The following TRIM67 variants were observed in gnomAD, a reference collection of about 807,000 sequenced individuals.
The protein encoded by TRIM67 is tripartite motif containing 67, also known as tripartite motif-containing protein 67.
Under a neutral mutation model 71.0 loss-of-function variants are expected in TRIM67, and 39 were observed. The observed-to-expected ratio is 0.55, with a 90% confidence interval of 0.43 to 0.72. TRIM67 has a LOEUF of 0.72. TRIM67 is among the 30% of genes least tolerant of loss of function. TRIM67 has a pLI of 0.00. For missense variants in TRIM67, 973 were observed against 1,079.2 expected, an observed-to-expected ratio of 0.90 and a Z score of 1.38; for synonymous variants, 481 against 473.9, an observed-to-expected ratio of 1.01 and a Z score of -0.19.
chr1:231,206,270 A>T (rs1683692627), intron 6 of TRIM67, among the ~76,000 whole-genome samples: 2 of 147,480 alleles, frequency 1.4e-5, no homozygotes, highest in African/African-American at 5.0e-5. Context: ...TCTCTACTAA[A>T]ATATATATAT....
intron 1 of TRIM67, chr1:231,186,283 G>T: frequency 1.1e-6 from 1 of 928,216 alleles, no homozygotes; most frequent in Non-Finnish European, 1.7e-6. Context: ...CACATCTCTA[G>T]TTGGAACAGG....
chr1:231,193,503 GCTCTCTCTCTCTCTCTCTCTCTCTCTCT>G (rs3049035), intron 1 of TRIM67, among the ~76,000 whole-genome samples: 3 of 81,946 alleles, frequency 3.7e-5, no homozygotes, highest in African/African-American at 1.4e-4. Flanking sequence ...TCTCTCTCAA[GCTCTCTCTCTCTCTCTCTCTCTCTCTCT>G]CTCTCTCTCT....
intron 8 of TRIM67, among the ~76,000 whole-genome samples, chr1:231,211,516 C>A (rs1259222621): frequency 1.3e-5 from 2 of 152,020 alleles, no homozygotes; most frequent in Non-Finnish European, 2.9e-5. Context: ...TGGTCGGTGT[C>A]CAAATAGCAT....
chr1:231,185,509 C>T (rs1190204804), intron 1 of TRIM67, among the ~76,000 whole-genome samples: 2 of 151,742 alleles, frequency 1.3e-5, no homozygotes, highest in Non-Finnish European at 2.9e-5. Flanking sequence ...GAGGCCACAT[C>T]GAGAGTGAGA....
At position 231,219,087 on chromosome 1, in the gene TRIM67, G is replaced by A; in HGVS notation, c.*3647G>A. On this transcript the variant is annotated 3_prime_UTR_variant, in exon 10 of 10. Transcript: ENST00000366653. ...GCTGCTGGTCCCATGGCCACCTGCT[G>A]GCTTTGAGGTAGTGAGGGAGGGTCA... 1.0e-6 allele frequency: 1 copy of A among 985,556 alleles called. No homozygotes were observed. The highest frequency in any genetic ancestry group is 1.2e-6 in the Non-Finnish European group (1 of 830,050). The allele number at this position is 985,556 out of a possible 1,614,324, so 61.1% of individuals were successfully genotyped here.
rs555548358 is a variant in TRIM67, at chr1:231,216,310, A to G, written c.*870A>G. On this transcript the variant is annotated 3_prime_UTR_variant, in exon 10 of 10. Coordinates refer to ENST00000366653, the MANE Select transcript of TRIM67 (RefSeq NM_001004342.5). ...CTCTCTCTCTCACACACACACAGGC[A>G]TGACAGTCTCCTAAAATTAATTCAC... 2.9e-4 allele frequency: 282 copies of G among 985,210 alleles called. No homozygotes were observed. Among genetic ancestry groups the G allele is most frequent in the Middle Eastern group, 5.2e-4 (1 of 1,916 alleles). The allele number at this position is 985,210 out of a possible 1,614,324, so 61.0% of individuals were successfully genotyped here.
chr1:231,211,331 C>A (rs1362284530), intron 8 of TRIM67, among the ~76,000 whole-genome samples: 1 of 152,028 alleles, frequency 6.6e-6, no homozygotes, highest in African/African-American at 2.4e-5. Context: ...GTAGAGAGAA[C>A]CTGCCCCTGT....
intron 1 of TRIM67, among the ~76,000 whole-genome samples, chr1:231,175,603 G>A (rs2102720149): frequency 6.6e-6 from 1 of 152,346 alleles, no homozygotes; most frequent in South Asian, 2.1e-4. Context: ...GAGGAGCCTT[G>A]AGCTTAGCGA....
chr1:231,219,957 GC>G lies in TRIM67; in HGVS notation c.*4518del. 1 of 1,289,764 alleles carries G rather than the reference GC, an allele frequency of 7.8e-7. No individual in the cohort carries two copies. Among genetic ancestry groups the G allele is most frequent in the Non-Finnish European group, 1.0e-6 (1 of 988,852 alleles). 79.9% of individuals were successfully genotyped at this position (1,289,764 alleles called of 1,614,324 possible). ...TCGGTTACTTCCCTCTTTTAACCTG[GC>G]TTTAATAGTGATTCATGGTATGAGT... On this transcript the variant is annotated 3_prime_UTR_variant, in exon 10 of 10. Transcript: ENST00000366653.
intron 1 of TRIM67, among the ~76,000 whole-genome samples, chr1:231,180,751 A>G (rs1239591997): frequency 4.6e-5 from 7 of 152,240 alleles, no homozygotes; most frequent in Non-Finnish European, 8.8e-5. Flanking sequence ...AACTGGCCCC[A>G]GAGCACAGGG....
intron 1 of TRIM67, among the ~76,000 whole-genome samples, chr1:231,168,466 A>C (rs1264773382): frequency 1.3e-5 from 2 of 152,242 alleles, no homozygotes; most frequent in Non-Finnish European, 2.9e-5. Context: ...TTGCTATGTC[A>C]AAGATACCTG....
At chr1:231,171,659 C>T (rs1682622276) in intron 1 of TRIM67, among the ~76,000 whole-genome samples, 1 of 152,138 alleles carries the variant, frequency 6.6e-6, no homozygotes, top group African/African-American at 2.4e-5. Context: ...TGATGTGAAA[C>T]TGAGGGTTTC....
intron 6 of TRIM67, among the ~76,000 whole-genome samples, chr1:231,205,580 C>T (rs1683671931): frequency 6.6e-6 from 1 of 151,964 alleles, no homozygotes; most frequent in African/African-American, 2.4e-5. Context: ...ACAAAAATTA[C>T]CCGGGCATGG....
intron 6 of TRIM67, among the ~76,000 whole-genome samples, chr1:231,205,784 C>T (rs1683678320): frequency 6.6e-6 from 1 of 151,430 alleles, no homozygotes; most frequent in Non-Finnish European, 1.5e-5. Flanking sequence ...GCAGAAATGT[C>T]TCACCCTTTG....
intron 1 of TRIM67, among the ~76,000 whole-genome samples, chr1:231,186,998 G>A (rs1683098309): frequency 6.6e-6 from 1 of 152,114 alleles, no homozygotes; most frequent in Non-Finnish European, 1.5e-5. Context: ...CATCAGCAAG[G>A]CTAATGAGGA....
chr1:231,203,060 T>C (rs532255394), intron 5 of TRIM67, among the ~76,000 whole-genome samples: 37 of 152,264 alleles, frequency 2.4e-4, no homozygotes, highest in African/African-American at 8.7e-4. Context: ...TGGGAGTCAG[T>C]CTGTGCTCAG....
At chr1:231,179,223 G>T (rs569343297) in intron 1 of TRIM67, among the ~76,000 whole-genome samples, 7 of 152,340 alleles carry the variant, frequency 4.6e-5, no homozygotes, top group African/African-American at 1.7e-4. Context: ...GCTTGTGGTG[G>T]CTCCTTGGCT....
Position 231,216,456 on chromosome 1 carries a change from A to T in TRIM67, c.*1016A>T, listed in dbSNP as rs554778173. 2.0e-6 allele frequency: 2 copies of T among 985,392 alleles called. No homozygotes were observed. Among genetic ancestry groups the T allele is most frequent in the Non-Finnish European group, 2.4e-6 (2 of 829,958 alleles). The allele number at this position is 985,392 out of a possible 1,614,324, so 61.0% of individuals were successfully genotyped here. A position where few individuals can be genotyped will look rare whatever the true frequency, so the allele number is the denominator to read the frequency against. On this transcript the variant is annotated 3_prime_UTR_variant, in exon 10 of 10. Transcript: ENST00000366653. Reference sequence around the variant, plus strand: ...AGCCCAAGAAGTTAACTGAAAATGCATCCAGATTGCTCTTCTGAGCTGAAC... The same window carrying T: ...AGCCCAAGAAGTTAACTGAAAATGCTTCCAGATTGCTCTTCTGAGCTGAAC...
At chr1:231,199,470 G>A (rs1434904113) in intron 3 of TRIM67, among the ~76,000 whole-genome samples, 1 of 152,176 alleles carries the variant, frequency 6.6e-6, no homozygotes, top group African/African-American at 2.4e-5. Flanking sequence ...AGTGACCAAT[G>A]ACAGTGACTA....
Sources: allele counts gnomAD v4.1 joint callset (sites outside exome capture counted in the v4.1 genomes callset), GRCh38; gene constraint gnomAD v4.1.1; transcripts MANE v1.5; gene names NCBI Gene and HGNC (gene_info 2026-07-23, HGNC 2026-07-21).